The following CRISPLD1 variants were observed in gnomAD, a reference collection of about 807,000 sequenced individuals.
CRISPLD1 encodes cysteine rich secretory protein LCCL domain containing 1.
Under a neutral mutation model 77.5 loss-of-function variants are expected in CRISPLD1, and 60 were observed. That is an observed-to-expected ratio of 0.77 (90% CI 0.63 to 0.96). The LOEUF is 0.96. Ranked by LOEUF, CRISPLD1 falls within the 40% of genes least tolerant of loss-of-function variation. The probability of loss-of-function intolerance (pLI) is 0.00; values close to 1 mark genes in which losing one functional copy is unlikely to be tolerated. For missense variants in CRISPLD1, 623 were observed against 615.8 expected, an observed-to-expected ratio of 1.01 and a Z score of -0.12; for synonymous variants, 195 against 200.1, an observed-to-expected ratio of 0.97 and a Z score of 0.22.
chr8:75,025,757 AAAC>A, intron 13 of CRISPLD1, 136 bp downstream of exon 13: 2 of 377,722 alleles, frequency 5.3e-6, no homozygotes, highest in Non-Finnish European at 4.8e-6. Context: ...CAGAAGAGTT[AAAC>A]ATCCATATCA....
rs529526993 is a variant in CRISPLD1, at chr8:75,013,736, A to G, written c.511-251A>G. On this transcript the variant is annotated intron_variant, in intron 4 of 14. Transcript: ENST00000262207. ...TGAGGATGTAACTTTTGAATTATTTACTAAATTTGCATTTGAAAATGCTTG... is the reference window on the plus strand; with the variant it reads ...TGAGGATGTAACTTTTGAATTATTTGCTAAATTTGCATTTGAAAATGCTTG... Among the ~76,000 whole-genome samples, 20 of 152,254 alleles carry G rather than the reference A, an allele frequency of 1.3e-4. No individual in the cohort carries two copies. In the South Asian group the frequency reaches 3.9e-3, roughly 30 times the overall value.
Position 74,986,096 on chromosome 8 carries a change from G to C in CRISPLD1, c.109G>C (p.Glu37Gln). The change falls in exon 2 of 15, where the codon GAA becomes CAA. Residue 37 changes from glutamate (E) to glutamine (Q), a missense_variant. By Grantham distance (29) the Glu-to-Gln change is conservative. Coordinates refer to ENST00000262207, the MANE Select transcript of CRISPLD1 (RefSeq NM_031461.6). ...TGCCACTTTATTGGAGAAACTTTTG[G>C]AAAAATACATGGATGAGGATGGTGA... ...PNATLLEKLL[E>Q]KYMDEDGEWW... is the part of the protein sequence containing the mutation. 6.2e-7 allele frequency: 1 copy of C among 1,614,042 alleles called. No individual in the cohort carries two copies. The highest frequency in any genetic ancestry group is 8.5e-7 in the Non-Finnish European group (1 of 1,180,018).
At chr8:75,008,067 T>C (rs1812865564) in intron 2 of CRISPLD1, among the ~76,000 whole-genome samples, 1 of 152,176 alleles carries the variant, frequency 6.6e-6, no homozygotes, top group African/African-American at 2.4e-5. Flanking sequence ...GCTGAACTAG[T>C]TTAAAAATAT....
intron 9 of CRISPLD1, 93 bp downstream of exon 9, chr8:75,017,206 A>T: frequency 3.3e-6 from 5 of 1,512,270 alleles, no homozygotes; most frequent in Non-Finnish European, 3.6e-6. Flanking sequence ...ATAAGTATAG[A>T]TATTTTGCTC....
chr8:75,006,050 G>A (rs1812825367), intron 2 of CRISPLD1, among the ~76,000 whole-genome samples: 1 of 152,080 alleles, frequency 6.6e-6, no homozygotes, highest in African/African-American at 2.4e-5. Context: ...ACCAGTAGGT[G>A]ATTTTTCATT....
chr8:75,029,478 CCTA>C lies in CRISPLD1; in HGVS notation c.1414_1416del (p.Tyr472del). The C allele has an allele frequency of 6.2e-7, 1 of 1,613,580 alleles. No individual in the cohort carries two copies. The highest frequency in any genetic ancestry group is 8.5e-7 in the Non-Finnish European group (1 of 1,179,644). ...GTAATGCCTGTGGACAAAAGAAAGACCTACATTGCTTCTTTTCAGAATGGAATC... is the reference window on the plus strand; with the variant it reads ...GTAATGCCTGTGGACAAAAGAAAGACCATTGCTTCTTTTCAGAATGGAATC... On this transcript the variant is annotated inframe_deletion, in exon 14 of 15. Coordinates refer to ENST00000262207, the MANE Select transcript of CRISPLD1 (RefSeq NM_031461.6).
intron 2 of CRISPLD1, among the ~76,000 whole-genome samples, chr8:74,994,040 C>T (rs893287194): frequency 6.6e-6 from 1 of 152,114 alleles, no homozygotes. Context: ...TGAGGCATTT[C>T]GACATATGAA....
chr8:75,013,075 A>G (rs1436452505), intron 4 of CRISPLD1, 53 bp downstream of exon 4: 4 of 1,395,020 alleles, frequency 2.9e-6, no homozygotes, highest in African/African-American at 1.4e-5. Context: ...TAATGTAACT[A>G]TGAAAGAAAT....
intron 14 of CRISPLD1, among the ~76,000 whole-genome samples, chr8:75,031,277 A>G (rs183114743): frequency 1.3e-5 from 2 of 152,174 alleles, no homozygotes; most frequent in Admixed American, 6.6e-5. Flanking sequence ...TATATAAAAC[A>G]TAGTTCACTT....
intron 2 of CRISPLD1, among the ~76,000 whole-genome samples, chr8:75,004,000 C>T (rs898952102): frequency 6.6e-6 from 1 of 152,056 alleles, no homozygotes; most frequent in Non-Finnish European, 1.5e-5. Flanking sequence ...GTTTTCATTA[C>T]AAAAGTTATT....
intron 1 of CRISPLD1, 90 bp from the exon 2 acceptor site, chr8:74,985,836 A>G (rs375035738): frequency 4.8e-6 from 4 of 835,284 alleles, no homozygotes; most frequent in Admixed American, 2.4e-5. Context: ...AAACTGGCAC[A>G]CTTCCTTTGT....
rs919375704 is a variant in CRISPLD1 at position 75,012,874 on chromosome 8, A to G, written c.378-16A>G. 45 of 1,596,596 alleles carry G rather than the reference A, an allele frequency of 2.8e-5. No homozygotes were observed. Among genetic ancestry groups the G allele is most frequent in the East Asian group, 1.6e-4 (7 of 44,570 alleles). ...CCAACTTTGCTTGCCCTCTGTGACT[A>G]TTTTCTTTCTAATAGATATAGGCCC... is the stretch of plus-strand genomic sequence containing the variant. On this transcript the variant is annotated splice_polypyrimidine_tract_variant and intron_variant, in intron 3 of 14. Transcript: ENST00000262207.
chr8:75,013,436 A>G (rs1266703132), intron 4 of CRISPLD1, among the ~76,000 whole-genome samples: 7 of 152,248 alleles, frequency 4.6e-5, no homozygotes, highest in African/African-American at 7.2e-5. Context: ...AAACTTCCAA[A>G]TCAAACAACT....
chr8:75,020,166 A>AT (rs1813108408), intron 12 of CRISPLD1, 87 bp downstream of exon 12: 2 of 1,077,174 alleles, frequency 1.9e-6, no homozygotes, highest in Non-Finnish European at 2.9e-6. Flanking sequence ...CAAAAGTTGT[A>AT]TAATCTTGAA....
intron 2 of CRISPLD1, among the ~76,000 whole-genome samples, chr8:75,005,231 T>C (rs141937665): frequency 9.5e-4 from 144 of 152,246 alleles, no homozygotes; most frequent in African/African-American, 3.2e-3. Context: ...TATGGGATAC[T>C]ACAAGCAATA....
At chr8:75,013,966 C>T (rs1395029643) in intron 4 of CRISPLD1, 21 bp from the exon 5 acceptor site, 2 of 1,525,116 alleles carry the variant, frequency 1.3e-6, no homozygotes, top group Non-Finnish European at 1.8e-6. Flanking sequence ...TTTTTCTGAG[C>T]CTTTCATTTT....
chr8:75,013,108 T>G, intron 4 of CRISPLD1, 86 bp downstream of exon 4: 1 of 1,159,928 alleles, frequency 8.6e-7, no homozygotes, highest in Non-Finnish European at 1.1e-6. Flanking sequence ...CTTGTCTTTC[T>G]TATTTAATAT....
At chr8:74,997,592 A>G (rs1326578645) in intron 2 of CRISPLD1, among the ~76,000 whole-genome samples, 2 of 152,194 alleles carry the variant, frequency 1.3e-5, no homozygotes, top group Non-Finnish European at 2.9e-5. Context: ...AAGATCACCC[A>G]AGAAGAAGGT....
chr8:74,994,754 C>T (rs1812622040), intron 2 of CRISPLD1, among the ~76,000 whole-genome samples: 1 of 152,122 alleles, frequency 6.6e-6, no homozygotes, highest in African/African-American at 2.4e-5. Context: ...ATTAATTGCA[C>T]TATCATGGGG....
Sources: gnomAD v4.1 joint callset for allele counts (sites outside exome capture counted in the v4.1 genomes callset) on GRCh38, gnomAD v4.1.1 for gene constraint, MANE v1.5 for transcripts, NCBI Gene and HGNC (gene_info 2026-07-23, HGNC 2026-07-21) for gene names.